The following EYS variants were observed in gnomAD, a reference collection of about 807,000 sequenced individuals.
The protein encoded by EYS is protein eyes shut homolog.
A neutral mutation model predicts 282.1 loss-of-function variants in EYS; 250 were observed. That is an observed-to-expected ratio of 0.89 (90% CI 0.80 to 0.98). The LOEUF (loss-of-function observed/expected upper bound fraction) is 0.98. EYS is among the 50% of genes least tolerant of loss of function. The pLI is 0.00. For missense variants in EYS, 4,016 were observed against 3,709.0 expected (o/e 1.08, Z -2.15); for synonymous variants, 1,355 against 1,282.9 (o/e 1.06, Z -1.20).
intron 2 of EYS, among the ~76,000 whole-genome samples, chr6:65,512,275 G>A (rs1012877269): frequency 1.3e-5 from 2 of 151,892 alleles, no homozygotes; most frequent in Non-Finnish European, 2.9e-5. Flanking sequence ...GGCGGTTCAC[G>A]AGGTCAGGAG....
rs368446977 is a variant in EYS, at chr6:65,075,294, C to A, written c.2024-17567G>T. ...CATTTCACAAAACACTGCCTACATG[C>A]ATTTACACATATTAATGGTTTTAAT... is the stretch of plus-strand genomic sequence containing the variant. On this transcript the variant is annotated intron_variant, in intron 12 of 42. Transcript: ENST00000503581. Among the ~76,000 whole-genome samples the A allele has an allele frequency of 2.4e-4, 36 of 152,076 alleles. No individual in the cohort carries two copies. The East Asian group carries it at 6.4e-3, about 27-fold the overall frequency.
intron 26 of EYS, among the ~76,000 whole-genome samples, chr6:64,589,032 G>T (rs1022153983): frequency 1.3e-5 from 2 of 151,988 alleles, no homozygotes; most frequent in Non-Finnish European, 2.9e-5. Flanking sequence ...GCTATGGGAT[G>T]AATTGTTTGA....
chr6:63,944,649 C>T (rs1765341220), intron 35 of EYS, among the ~76,000 whole-genome samples: 2 of 152,166 alleles, frequency 1.3e-5, no homozygotes, highest in African/African-American at 2.4e-5. Flanking sequence ...ACTATACTGG[C>T]CAGGAGTGGT....
chr6:65,122,961 T>C lies in EYS; in HGVS notation c.2024-65234A>G, dbSNP rs1367501316. Among the ~76,000 whole-genome samples, 4 of 152,238 alleles carry C rather than the reference T, an allele frequency of 2.6e-5. No individual in the cohort carries two copies. In the East Asian group the frequency reaches 7.7e-4, roughly 29 times the overall value. ...TAGATATTATGAGCATATATTAATA[T>C]GAAGACACAATTAGTCGTGATTTCT... On this transcript the variant is annotated intron_variant, in intron 12 of 42. Transcript: ENST00000503581.
At position 65,506,801 on chromosome 6, in the gene EYS, G is replaced by T. The variant is rs182596087; in HGVS notation, c.-332-10808C>A. Among the ~76,000 whole-genome samples the T allele has an allele frequency of 4.6e-3, 700 of 151,966 alleles. 6 individuals carry two copies. The highest frequency in any genetic ancestry group is 0.015 in the African/African-American group (642 of 41,470). On this transcript the variant is annotated intron_variant, in intron 2 of 42. Coordinates refer to ENST00000503581, the MANE Select transcript of EYS (RefSeq NM_001142800.2). ...TATCCTTTTTTAACTAATTTAATTT[G>T]ATTTTTAAATAACAGTATTCTGCTT... is the stretch of plus-strand genomic sequence containing the variant.
At chr6:63,989,129 A>C (rs1212702721) in intron 34 of EYS, among the ~76,000 whole-genome samples, 2 of 151,614 alleles carry the variant, frequency 1.3e-5, no homozygotes, top group African/African-American at 4.8e-5. Flanking sequence ...GGTGATTATA[A>C]ATATACTTTT....
At chr6:64,173,897 C>T (rs985961920) in intron 31 of EYS, among the ~76,000 whole-genome samples, 1 of 151,950 alleles carries the variant, frequency 6.6e-6, no homozygotes, top group East Asian at 1.9e-4. Context: ...AAATTATGCT[C>T]AACAGCAGAT....
In EYS at chr6:64,595,260, T is replaced by C. The variant is rs140644320; in HGVS notation, c.3685-1951A>G. Among the ~76,000 whole-genome samples, 75 of 152,204 alleles carry C rather than the reference T, an allele frequency of 4.9e-4. 1 individual carries two copies. The highest frequency in any genetic ancestry group is 1.8e-3 in the African/African-American group (75 of 41,536). ...GAATATCACTTCATAATAAAAAGTC[T>C]CAACAAATTTGGCATTAAAAAATAC... On this transcript the variant is annotated intron_variant, in intron 24 of 42. Coordinates refer to ENST00000503581, the MANE Select transcript of EYS (RefSeq NM_001142800.2).
intron 36 of EYS, among the ~76,000 whole-genome samples, chr6:63,846,552 T>C (rs557331636): frequency 6.6e-6 from 1 of 152,336 alleles, no homozygotes; most frequent in South Asian, 2.1e-4. Context: ...TGAAACTGAA[T>C]CACTAGGTGC....
At chr6:64,335,800 G>T (rs1035838592) in intron 29 of EYS, among the ~76,000 whole-genome samples, 1 of 152,092 alleles carries the variant, frequency 6.6e-6, no homozygotes, top group Non-Finnish European at 1.5e-5. Context: ...CTACAACCTA[G>T]AGTAGATTGA....
chr6:65,183,935 C>A (rs973771871), intron 12 of EYS, among the ~76,000 whole-genome samples: 1 of 151,902 alleles, frequency 6.6e-6, no homozygotes, highest in Non-Finnish European at 1.5e-5. Flanking sequence ...TGTGTCTATA[C>A]TGCACTTCAA....
At chr6:64,261,194 A>G (rs773828953) in intron 30 of EYS, among the ~76,000 whole-genome samples, 23 of 151,942 alleles carry the variant, frequency 1.5e-4, no homozygotes, top group Non-Finnish European at 3.2e-4. Context: ...ACCCTTCCCA[A>G]TTGGGAAAAC....
chr6:65,271,372 G>A (rs1199871096), intron 12 of EYS, among the ~76,000 whole-genome samples: 2 of 151,076 alleles, frequency 1.3e-5, no homozygotes, highest in Admixed American at 1.3e-4. Flanking sequence ...AGGGAAGAGG[G>A]CAAATTCAAC....
chr6:65,498,004 CTAAT>C (rs1383623194), intron 2 of EYS, among the ~76,000 whole-genome samples: 2 of 151,982 alleles, frequency 1.3e-5, no homozygotes, highest in African/African-American at 4.8e-5. Flanking sequence ...ATAATGAAGA[CTAAT>C]TAGTACAGAG....
At chr6:63,947,402 ATAGAAAAT>A (rs1357906596) in intron 35 of EYS, among the ~76,000 whole-genome samples, 2 of 152,092 alleles carry the variant, frequency 1.3e-5, no homozygotes, top group East Asian at 3.8e-4. Flanking sequence ...TTTATTAAAA[ATAGAAAAT>A]TATTTTATAT....
In EYS at chr6:65,443,151, C is replaced by T. The variant is rs1257189875; in HGVS notation, c.863-37784G>A. ...ACACATCATACATATATGTACACAT[C>T]ATACACATATATGAGCACATATGTG... On this transcript the variant is annotated intron_variant, in intron 5 of 42. Coordinates refer to ENST00000503581, the MANE Select transcript of EYS (RefSeq NM_001142800.2). Among the ~76,000 whole-genome samples, 3 of 149,042 alleles carry T rather than the reference C, an allele frequency of 2.0e-5. 1 individual carries two copies. The highest frequency in any genetic ancestry group is 7.3e-5 in the African/African-American group (3 of 41,266).
At chr6:63,868,480 T>A (rs2149711488) in intron 35 of EYS, among the ~76,000 whole-genome samples, 1 of 152,290 alleles carries the variant, frequency 6.6e-6, no homozygotes, top group Admixed American at 6.5e-5. Context: ...ACTCTTTGTA[T>A]CTAACAGATC....
In EYS at chr6:63,863,680, T is replaced by TTTTCTTTC. The variant is rs1562066227; in HGVS notation, c.7228+505_7228+506insGAAAGAAA. On this transcript the variant is annotated intron_variant, in intron 36 of 42. Transcript: ENST00000503581. The stretch of plus-strand genomic sequence containing the variant: ...TTTCTTTTCTTTTCTTTTTTCTTTT[T>TTTTCTTTC]TTTTTTTTTTTTTGAGATGGAGTCT... Among the ~76,000 whole-genome samples the TTTTCTTTC allele has an allele frequency of 4.1e-3, 517 of 125,452 alleles. 5 individuals are homozygous for TTTTCTTTC. The highest frequency in any genetic ancestry group is 0.015 in the African/African-American group (488 of 31,718). 82.3% of individuals were successfully genotyped at this position (125,452 alleles called of 152,430 possible).
chr6:64,459,445 A>G (rs1201538435), intron 26 of EYS, among the ~76,000 whole-genome samples: 2 of 152,182 alleles, frequency 1.3e-5, no homozygotes, highest in Non-Finnish European at 2.9e-5. Flanking sequence ...TTATATTTGA[A>G]GGGGATTTTA....
Sources: gnomAD v4.1 joint callset for allele counts (sites outside exome capture counted in the v4.1 genomes callset) on GRCh38, gnomAD v4.1.1 for gene constraint, MANE v1.5 for transcripts, NCBI Gene and HGNC (gene_info 2026-07-23, HGNC 2026-07-21) for gene names.